KCNH8: variants seen among roughly 807,000 people sequenced by gnomAD.
The protein encoded by KCNH8 is potassium voltage-gated channel subfamily H member 8.
Under a neutral mutation model 103.6 loss-of-function variants are expected in KCNH8, and 70 were observed. That is an observed-to-expected ratio of 0.68 (90% CI 0.56 to 0.82). KCNH8 has a LOEUF of 0.82. KCNH8 is among the 40% of genes least tolerant of loss of function. KCNH8 has a pLI of 0.00. For missense variants in KCNH8, 1,217 were observed against 1,329.9 expected (o/e 0.92, Z 1.32); for synonymous variants, 498 against 489.4 (o/e 1.02, Z -0.23).
chr3:19,205,068 TCCAC>T (rs1028695936), intron 1 of KCNH8, among the ~76,000 whole-genome samples: 1 of 152,028 alleles, frequency 6.6e-6, no homozygotes, highest in Non-Finnish European at 1.5e-5. Flanking sequence ...CGCTCATTCA[TCCAC>T]CCACCCACCC....
At chr3:19,184,056 T>C (rs753856783) in intron 1 of KCNH8, among the ~76,000 whole-genome samples, 42 of 152,098 alleles carry the variant, frequency 2.8e-4, no homozygotes, top group Non-Finnish European at 4.7e-4. Context: ...AAGCATGCTC[T>C]TTGACAGAAC....
At chr3:19,468,445 CA>C (rs905498608) in intron 11 of KCNH8, among the ~76,000 whole-genome samples, 3 of 151,690 alleles carry the variant, frequency 2.0e-5, no homozygotes, top group Non-Finnish European at 4.4e-5. Flanking sequence ...ATAGCAAAGC[CA>C]AAAAAAGTAT....
chr3:19,480,825 T>G (rs142167917), intron 11 of KCNH8, among the ~76,000 whole-genome samples: 20 of 152,312 alleles, frequency 1.3e-4, no homozygotes, highest in Admixed American at 9.8e-4. Flanking sequence ...TGGTTCTTCA[T>G]GCCAAAAAAA....
intron 11 of KCNH8, 32 bp from the exon 12 acceptor site, chr3:19,510,330 TA>T: frequency 7.2e-7 from 1 of 1,388,126 alleles, no homozygotes; most frequent in Non-Finnish European, 1.0e-6. Context: ...CCAGGATATG[TA>T]AAATGATTAA....
chr3:19,148,600 G>T lies in KCNH8; in HGVS notation c.-120G>T, dbSNP rs1029446979. 1.1e-6 allele frequency: 1 copy of T among 940,352 alleles called. No individual in the cohort carries two copies. The allele number at this position is 940,352 out of a possible 1,614,324, so 58.3% of individuals were successfully genotyped here. A position where few individuals can be genotyped will look rare whatever the true frequency, so the allele number is the denominator to read the frequency against. ...TCCACTTCCCCTGCTCGGCCCCGCC[G>T]TCAGGCCGGGTCCCCCTTCCCTGCC... On this transcript the variant is annotated 5_prime_UTR_variant, in exon 1 of 16. Transcript: ENST00000328405.
chr3:19,357,274 A>T (rs1489270646), intron 5 of KCNH8, among the ~76,000 whole-genome samples: 2 of 151,854 alleles, frequency 1.3e-5, no homozygotes, highest in Non-Finnish European at 2.9e-5. Context: ...TTCCACTGGG[A>T]TGTGTAGATA....
intron 7 of KCNH8, among the ~76,000 whole-genome samples, chr3:19,427,085 A>G (rs2067039658): frequency 6.6e-6 from 1 of 152,206 alleles, no homozygotes; most frequent in African/African-American, 2.4e-5. Context: ...CAAAAGGGGT[A>G]AGCAGCCTCT....
At chr3:19,344,371 T>C (rs551949894) in intron 4 of KCNH8, among the ~76,000 whole-genome samples, 1 of 152,236 alleles carries the variant, frequency 6.6e-6, no homozygotes, top group African/African-American at 2.4e-5. Context: ...TATTTTTCCC[T>C]TTAGATTCAA....
Position 19,351,260 on chromosome 3 carries a change from T to A in KCNH8, c.811+3295T>A, listed in dbSNP as rs561916410. Among the ~76,000 whole-genome samples, 1,158 of 152,266 alleles carry A rather than the reference T, an allele frequency of 7.6e-3. 8 individuals carry two copies. The highest frequency in any genetic ancestry group is 0.026 in the African/African-American group (1,076 of 41,560). ...TGAAAAGACCAAATCTACATCTGAT[T>A]GGTGTACCTCAAAGTGACAGGGAGA... On this transcript the variant is annotated intron_variant, in intron 5 of 15. Transcript: ENST00000328405.
At chr3:19,321,812 A>G (rs759793342) in intron 3 of KCNH8, among the ~76,000 whole-genome samples, 5 of 151,704 alleles carry the variant, frequency 3.3e-5, no homozygotes, top group Non-Finnish European at 5.9e-5. Context: ...GTTGCTGTCT[A>G]TGTCATTTCT....
chr3:19,498,294 T>C (rs566782515), intron 11 of KCNH8, among the ~76,000 whole-genome samples: 34 of 152,336 alleles, frequency 2.2e-4, no homozygotes, highest in African/African-American at 7.9e-4. Flanking sequence ...TAGCTGGCTA[T>C]TATATAGATT....
chr3:19,272,745 A>G (rs774434219), intron 2 of KCNH8, among the ~76,000 whole-genome samples: 24 of 152,164 alleles, frequency 1.6e-4, no homozygotes, highest in Non-Finnish European at 1.3e-4. Flanking sequence ...CTACAATCCT[A>G]TAGCCTCTTC....
chr3:19,350,658 T>G (rs190724163), intron 5 of KCNH8, among the ~76,000 whole-genome samples: 20 of 152,258 alleles, frequency 1.3e-4, no homozygotes, highest in African/African-American at 4.8e-4. Flanking sequence ...GACCTGCAGC[T>G]GAGGGTCCTG....
chr3:19,259,787 A>G (rs2064404333), intron 2 of KCNH8, among the ~76,000 whole-genome samples: 1 of 2,822 alleles, frequency 3.5e-4, no homozygotes, highest in African/African-American at 9.4e-4. Context: ...ATGTGTGTTT[A>G]CATACACACA....
intron 7 of KCNH8, among the ~76,000 whole-genome samples, chr3:19,416,760 A>G (rs1471509803): frequency 6.6e-6 from 1 of 152,172 alleles, no homozygotes; most frequent in East Asian, 1.9e-4. Context: ...ACTTCTTAGC[A>G]TCAAAATTCC....
At chr3:19,457,998 G>A (rs2067560298) in intron 11 of KCNH8, among the ~76,000 whole-genome samples, 1 of 151,796 alleles carries the variant, frequency 6.6e-6, no homozygotes, top group Admixed American at 6.6e-5. Context: ...ACATTTACTG[G>A]CTATGTTTTA....
intron 1 of KCNH8, among the ~76,000 whole-genome samples, chr3:19,192,842 C>T (rs2063566294): frequency 6.6e-6 from 1 of 151,324 alleles, no homozygotes; most frequent in African/African-American, 2.4e-5. Flanking sequence ...AGTCTGATTC[C>T]AATAAAAGAG....
intron 5 of KCNH8, among the ~76,000 whole-genome samples, chr3:19,371,112 T>A (rs1243526790): frequency 6.6e-6 from 1 of 151,828 alleles, no homozygotes; most frequent in African/African-American, 2.4e-5. Flanking sequence ...TATAATCCTT[T>A]GGGTATATAC....
chr3:19,471,284 A>G (rs558678543), intron 11 of KCNH8, among the ~76,000 whole-genome samples: 5 of 152,222 alleles, frequency 3.3e-5, no homozygotes, highest in Non-Finnish European at 7.3e-5. Context: ...CTCCATTTAC[A>G]TGTATTCCTT....
Sources: gnomAD v4.1 joint callset for allele counts (sites outside exome capture counted in the v4.1 genomes callset) on GRCh38, gnomAD v4.1.1 for gene constraint, MANE v1.5 for transcripts, NCBI Gene and HGNC (gene_info 2026-07-23, HGNC 2026-07-21) for gene names.